C1orf146: variants seen among roughly 807,000 people sequenced by gnomAD.
The protein encoded by C1orf146 is protein SPO16 homolog.
In C1orf146, 22 loss-of-function variants were observed where a neutral mutation model predicts 23.0. The ratio of observed to expected loss-of-function variants is 0.96; its 90% CI spans 0.68 to 1.36. The LOEUF is 1.36. Ranked by LOEUF, C1orf146 falls within the 40% of genes most tolerant of loss-of-function variation. The pLI is 0.00. For synonymous variants in C1orf146, 59 were observed against 65.3 expected (o/e 0.90, Z 0.47); for missense variants, 199 against 206.8 (o/e 0.96, Z 0.23).
chr1:92,245,387 C>T (rs1193640663), intron 5 of C1orf146, among the ~76,000 whole-genome samples, 153 bp from the exon 6 acceptor site: 1 of 152,112 alleles, frequency 6.6e-6, no homozygotes, highest in East Asian at 1.9e-4. Flanking sequence ...TAAGTATTTT[C>T]CTGTTGACTA....
chr1:92,236,100 C>G (rs943670965), intron 2 of C1orf146, among the ~76,000 whole-genome samples: 1 of 151,952 alleles, frequency 6.6e-6, no homozygotes, highest in Admixed American at 6.6e-5. Flanking sequence ...AGCATTTAGC[C>G]CATTTACATT....
intron 4 of C1orf146, 93 bp downstream of exon 4, chr1:92,244,478 T>A (rs929453113): frequency 5.4e-6 from 5 of 931,048 alleles, no homozygotes; most frequent in Admixed American, 5.4e-5. Context: ...TGCTAGATGA[T>A]GAACACTGTG....
chr1:92,231,446 T>C lies in C1orf146; in HGVS notation c.26T>C (p.Ile9Thr). ...ATGGCTGAAAGTGGAAAAGAAAAAATAAAATGGACAACCACCATTATTATT... is the reference window on the plus strand; with the variant it reads ...ATGGCTGAAAGTGGAAAAGAAAAAACAAAATGGACAACCACCATTATTATT... The part of the protein sequence containing the change: MAESGKEK[I>T]KWTTTIIISS... The change falls in exon 2 of 6, where the codon ATA (isoleucine) becomes ACA (threonine). Residue 9 changes from isoleucine (I) to threonine (T), a missense_variant. Transcript: ENST00000370375. 1.2e-6 allele frequency: 2 copies of C among 1,611,184 alleles called. No homozygotes were observed. Among genetic ancestry groups the C allele is most frequent in the South Asian group, 2.2e-5 (2 of 90,468 alleles).
In C1orf146 at chr1:92,231,394, T is replaced by C. The variant is rs780803864; in HGVS notation, c.-27T>C. 6.5e-7 allele frequency: 1 copy of C among 1,528,384 alleles called. No individual in the cohort carries two copies. Among genetic ancestry groups the C allele is most frequent in the Non-Finnish European group, 8.9e-7 (1 of 1,124,526 alleles). 94.7% of individuals were successfully genotyped at this position (1,528,384 alleles called of 1,614,324 possible). On this transcript the variant is annotated 5_prime_UTR_variant, in exon 2 of 6. Coordinates refer to ENST00000370375, the MANE Select transcript of C1orf146 (RefSeq NM_001012425.2). ...TTAATTTTCTCAGATTGTTGCACCA[T>C]TAGAAGCTAGGTTGATCCACAGACA...
chr1:92,233,236 A>AT, intron 2 of C1orf146, among the ~76,000 whole-genome samples: 1 of 151,706 alleles, frequency 6.6e-6, no homozygotes, highest in South Asian at 2.1e-4. Context: ...GGTTTTTATG[A>AT]TTTTAGGTCT....
Position 92,244,346 on chromosome 1 carries a change from G to A in C1orf146, c.290G>A (p.Gly97Glu). 3.7e-6 allele frequency: 6 copies of A among 1,610,948 alleles called. No homozygotes were observed. The highest frequency in any genetic ancestry group is 5.1e-6 in the Non-Finnish European group (6 of 1,179,240). ...TTGGTTTTGTCTGCTGCCCTCCATG[G>A]GCCTGAAGAATGGAAACTGATGTTC... Reference protein sequence around the residue: ...SFLVLSAALHGPEEWKLMFRI... With the variant: ...SFLVLSAALHEPEEWKLMFRI... The change falls in exon 4 of 6, where the codon GGG (glycine) becomes GAG (glutamate). Residue 97 changes from glycine to glutamate, a missense_variant. Gly to Glu is a moderately conservative substitution (Grantham distance 98). Coordinates refer to ENST00000370375, the MANE Select transcript of C1orf146 (RefSeq NM_001012425.2).
At chr1:92,232,507 CATT>C (rs887529188) in intron 2 of C1orf146, among the ~76,000 whole-genome samples, 41 of 152,116 alleles carry the variant, frequency 2.7e-4, no homozygotes, top group African/African-American at 9.2e-4. Context: ...TCCAGTCTAT[CATT>C]GTTGGACATT....
intron 1 of C1orf146, among the ~76,000 whole-genome samples, chr1:92,220,275 T>C (rs1259073332): frequency 6.6e-6 from 1 of 151,918 alleles, no homozygotes; most frequent in Non-Finnish European, 1.5e-5. Flanking sequence ...AGGGTGTCGT[T>C]TGTTTTAGGC....
At chr1:92,222,622 T>C (rs1651857524) in intron 1 of C1orf146, among the ~76,000 whole-genome samples, 1 of 149,642 alleles carries the variant, frequency 6.7e-6, no homozygotes, top group South Asian at 2.2e-4. Context: ...AGTCTTGCTC[T>C]GTTGCCCAGG....
chr1:92,224,304 T>TC (rs754215776), intron 1 of C1orf146, among the ~76,000 whole-genome samples: 55 of 152,116 alleles, frequency 3.6e-4, no homozygotes, highest in Non-Finnish European at 7.3e-4. Context: ...CGCCTCAGCC[T>TC]CCCAAGGTGC....
intron 3 of C1orf146, 51 bp from the exon 4 acceptor site, chr1:92,244,166 A>G: frequency 7.5e-7 from 1 of 1,340,322 alleles, no homozygotes; most frequent in African/African-American, 1.5e-5. Flanking sequence ...TTATAACAAA[A>G]TTTCATCTCT....
At chr1:92,241,740 G>A (rs1197502165) in intron 2 of C1orf146, among the ~76,000 whole-genome samples, 1 of 152,050 alleles carries the variant, frequency 6.6e-6, no homozygotes, top group Non-Finnish European at 1.5e-5. Flanking sequence ...CAAATTGCTG[G>A]GATTTCAGGC....
At chr1:92,236,456 T>C (rs1165918193) in intron 2 of C1orf146, among the ~76,000 whole-genome samples, 3 of 152,248 alleles carry the variant, frequency 2.0e-5, no homozygotes, top group African/African-American at 7.2e-5. Flanking sequence ...TTCTGGCTTG[T>C]AGAGTTTCTG....
intron 2 of C1orf146, among the ~76,000 whole-genome samples, chr1:92,238,820 T>C (rs1205749842): frequency 1.3e-5 from 2 of 152,216 alleles, no homozygotes; most frequent in Non-Finnish European, 2.9e-5. Flanking sequence ...CCTTTACCTA[T>C]GTTATTCTTT....
At chr1:92,237,569 A>C (rs1652326887) in intron 2 of C1orf146, among the ~76,000 whole-genome samples, 1 of 152,164 alleles carries the variant, frequency 6.6e-6, no homozygotes, top group Non-Finnish European at 1.5e-5. Flanking sequence ...CCACTTGAGG[A>C]GGCAGTCTGC....
intron 1 of C1orf146, among the ~76,000 whole-genome samples, chr1:92,221,919 A>G (rs1288401884): frequency 1.3e-5 from 2 of 152,184 alleles, no homozygotes; most frequent in African/African-American, 2.4e-5. Flanking sequence ...CACACTTATC[A>G]TTATTGAATA....
Position 92,244,327 on chromosome 1 carries a change from T to G in C1orf146, c.271T>G (p.Leu91Val). ...CATTCACCAAAATAGTTTTTTGGTTTTGTCTGCTGCCCTCCATGGGCCTGA... is the reference window on the plus strand; with the variant it reads ...CATTCACCAAAATAGTTTTTTGGTTGTGTCTGCTGCCCTCCATGGGCCTGA... ...INIHQNSFLV[L>V]SAALHGPEEW... is the part of the protein sequence containing the mutation. Residue 91 changes from leucine (L) to valine (V), a missense_variant, in exon 4 of 6, where the codon TTG becomes GTG. Coordinates refer to ENST00000370375, the MANE Select transcript of C1orf146 (RefSeq NM_001012425.2). 1 of 1,613,328 alleles carries G rather than the reference T, an allele frequency of 6.2e-7. No homozygotes were observed. Among genetic ancestry groups the G allele is most frequent in the Non-Finnish European group, 8.5e-7 (1 of 1,179,614 alleles).
At chr1:92,230,023 A>T (rs1485085936) in intron 1 of C1orf146, among the ~76,000 whole-genome samples, 1 of 151,980 alleles carries the variant, frequency 6.6e-6, no homozygotes, top group East Asian at 1.9e-4. Context: ...ACTTAAATGC[A>T]ATTTTGTTTT....
chr1:92,228,539 C>T (rs1209490783), intron 1 of C1orf146, among the ~76,000 whole-genome samples: 1 of 152,154 alleles, frequency 6.6e-6, no homozygotes, highest in Non-Finnish European at 1.5e-5. Context: ...TTTCTAGATA[C>T]AGCTGTGACT....
Sources: allele counts gnomAD v4.1 joint callset (sites outside exome capture counted in the v4.1 genomes callset), GRCh38; gene constraint gnomAD v4.1.1; transcripts MANE v1.5; gene names NCBI Gene and HGNC (gene_info 2026-07-23, HGNC 2026-07-21).